Variants in FAM229A observed in about 807,000 individuals in gnomAD.
The protein encoded by FAM229A is family with sequence similarity 229 member A.
FAM229A carries 9 observed loss-of-function variants against 10.0 expected under a neutral mutation model. The ratio of observed to expected loss-of-function variants is 0.90; its 90% confidence interval spans 0.54 to 1.56. FAM229A has a LOEUF of 1.56. Among genes scored for constraint, FAM229A ranks in the 40% most tolerant of loss-of-function variants. FAM229A has a pLI of 0.00. For synonymous variants in FAM229A, 93 were observed against 90.1 expected, an observed-to-expected ratio of 1.03 and a Z score of -0.19; for missense variants, 196 against 197.6, an observed-to-expected ratio of 0.99 and a Z score of 0.05.
chr1:32,362,251 G>A lies in FAM229A; in HGVS notation c.-160C>T, dbSNP rs1570076588. ...CTGGAGACGGGGTCGCGCAGACCCC[G>A]GACACCCGAGGGGGGCGCAGCAGGC... On this transcript the variant is annotated 5_prime_UTR_variant, in exon 1 of 3. Transcript: ENST00000432622. 16 of 1,044,800 alleles carry A rather than the reference G, an allele frequency of 1.5e-5. No homozygotes were observed. The highest frequency in any genetic ancestry group is 1.2e-4 in the African/African-American group (7 of 60,166). The allele number at this position is 1,044,800 out of a possible 1,614,324, so 64.7% of individuals were successfully genotyped here.
chr1:32,361,391 G>T lies in FAM229A; in HGVS notation c.*42C>A. ...AGCGTGGTGGCCCGCTGGGGGCCTCGTTCCCGCCCAGCTCCCGCGGAGCCG... is the reference window on the plus strand; with the variant it reads ...AGCGTGGTGGCCCGCTGGGGGCCTCTTTCCCGCCCAGCTCCCGCGGAGCCG... On this transcript the variant is annotated 3_prime_UTR_variant, in exon 3 of 3. Coordinates refer to ENST00000432622, the MANE Select transcript of FAM229A (RefSeq NM_001167676.2). The T allele has an allele frequency of 1.7e-6, 2 of 1,181,418 alleles. No homozygotes were observed. Among genetic ancestry groups the T allele is most frequent in the East Asian group, 3.2e-5 (1 of 31,306 alleles). 73.2% of individuals were successfully genotyped at this position (1,181,418 alleles called of 1,614,324 possible). A position where few individuals can be genotyped will look rare whatever the true frequency, so the allele number is the denominator to read the frequency against.
At position 32,362,109 on chromosome 1, in the gene FAM229A, C is replaced by A. The variant is rs1306413300; in HGVS notation, c.-18G>T. The stretch of plus-strand genomic sequence containing the variant: ...GGCAGCATTGTGACCCGGGCCGCGG[C>A]GCGCTGACCTCACAGAGCACGTTCC... On this transcript the variant is annotated 5_prime_UTR_variant, in exon 1 of 3. Transcript: ENST00000432622. 1.5e-6 allele frequency: 2 copies of A among 1,361,020 alleles called. No homozygotes were observed. Among genetic ancestry groups the A allele is most frequent in the Non-Finnish European group, 1.9e-6 (2 of 1,058,910 alleles). 84.3% of individuals were successfully genotyped at this position (1,361,020 alleles called of 1,614,324 possible). A position where few individuals can be genotyped will look rare whatever the true frequency, so the allele number is the denominator to read the frequency against.
chr1:32,362,099 CG>C lies in FAM229A; in HGVS notation c.-9del, dbSNP rs1641713456. 3 of 1,374,158 alleles carry C rather than the reference CG, an allele frequency of 2.2e-6. No homozygotes were observed. Among genetic ancestry groups the C allele is most frequent in the Non-Finnish European group, 2.8e-6 (3 of 1,066,188 alleles). The allele number at this position is 1,374,158 out of a possible 1,614,324, so 85.1% of individuals were successfully genotyped here. On this transcript the variant is annotated 5_prime_UTR_variant, in exon 1 of 3. Transcript: ENST00000432622. ...CGTCGAGGAGGGCAGCATTGTGACCCGGGCCGCGGCGCGCTGACCTCACAGA... is the reference window on the plus strand; with the variant it reads ...CGTCGAGGAGGGCAGCATTGTGACCCGGCCGCGGCGCGCTGACCTCACAGA...
At position 32,361,625 on chromosome 1, in the gene FAM229A, G is replaced by T. The variant is rs1214827980; in HGVS notation, c.282-90C>A. On this transcript the variant is annotated intron_variant, in intron 2 of 2. Transcript: ENST00000432622. ...CCCAGGGAGTGCACCTGGGGTCCCC[G>T]GGGGTCCGGACGTGGATGCGGGGTC... 4.8e-6 allele frequency: 6 copies of T among 1,249,804 alleles called. No individual in the cohort carries two copies. The African/African-American group carries it at 6.3e-5, about 13-fold the overall frequency. The allele number at this position is 1,249,804 out of a possible 1,614,324, so 77.4% of individuals were successfully genotyped here.
chr1:32,361,883 G>A lies in FAM229A; in HGVS notation c.135-7C>T. 7.4e-7 allele frequency: 1 copy of A among 1,345,152 alleles called. No homozygotes were observed. Among genetic ancestry groups the A allele is most frequent in the Non-Finnish European group, 9.5e-7 (1 of 1,052,912 alleles). The allele number at this position is 1,345,152 out of a possible 1,614,324, so 83.3% of individuals were successfully genotyped here. On this transcript the variant is annotated splice_region_variant and splice_polypyrimidine_tract_variant and intron_variant, in intron 1 of 2. Transcript: ENST00000432622. ...GTCCAAGCCCCGGGGCGCTCTGCGC[G>A]GGGAGTGGCGGTCAGGCCTCTCCCG...
intron 2 of FAM229A, 97 bp downstream of exon 2, chr1:32,361,633 G>T: frequency 8.0e-7 from 1 of 1,252,072 alleles, no homozygotes; most frequent in Non-Finnish European, 1.0e-6. Flanking sequence ...CCGGGGGTCC[G>T]GACGTGGATG....
rs896505998 is a variant in FAM229A, at chr1:32,362,275, G to C, written c.-184C>G. 1 of 867,204 alleles carries C rather than the reference G, an allele frequency of 1.2e-6. No individual in the cohort carries two copies. Among genetic ancestry groups the C allele is most frequent in the Admixed American group, 4.0e-5 (1 of 25,086 alleles). The allele number at this position is 867,204 out of a possible 1,614,324, so 53.7% of individuals were successfully genotyped here. A position where few individuals can be genotyped will look rare whatever the true frequency, so the allele number is the denominator to read the frequency against. On this transcript the variant is annotated 5_prime_UTR_variant, in exon 1 of 3. Coordinates refer to ENST00000432622, the MANE Select transcript of FAM229A (RefSeq NM_001167676.2). ...CGGACACCCGAGGGGGGCGCAGCAGGCCAGGGCAACCCGCCGCGAGGCGGC... is the reference window on the plus strand; with the variant it reads ...CGGACACCCGAGGGGGGCGCAGCAGCCCAGGGCAACCCGCCGCGAGGCGGC...
At position 32,362,307 on chromosome 1, in the gene FAM229A, G is replaced by A; in HGVS notation, c.-216C>T. 1 of 566,686 alleles carries A rather than the reference G, an allele frequency of 1.8e-6. No homozygotes were observed. Among genetic ancestry groups the A allele is most frequent in the Non-Finnish European group, 2.7e-6 (1 of 368,836 alleles). 35.1% of individuals were successfully genotyped at this position (566,686 alleles called of 1,614,324 possible). ...CAACCCGCCGCGAGGCGGCGTCCAC[G>A]CCGAGGAGCCGCGCATTCCCGGTCC... On this transcript the variant is annotated 5_prime_UTR_variant, in exon 1 of 3. Transcript: ENST00000432622.
chr1:32,361,565 C>T (rs992554075), intron 2 of FAM229A, 30 bp from the exon 3 acceptor site: 29 of 1,315,296 alleles, frequency 2.2e-5, no homozygotes, highest in Non-Finnish European at 2.8e-5. Flanking sequence ...ACAGGGGCCG[C>T]TGAGGCAGGG....
At position 32,361,478 on chromosome 1, in the gene FAM229A, G is replaced by A; in HGVS notation, c.339C>T (p.Asp113=). The A allele has an allele frequency of 2.2e-6, 3 of 1,382,870 alleles. No individual in the cohort carries two copies. Among genetic ancestry groups the A allele is most frequent in the Non-Finnish European group, 1.9e-6 (2 of 1,066,676 alleles). 85.7% of individuals were successfully genotyped at this position (1,382,870 alleles called of 1,614,324 possible). The part of the protein sequence containing the change: ...HCLTLLHVPI[D]VYLAMGGSPR... The stretch of plus-strand genomic sequence containing the variant: ...GGCTCCCGCCCATGGCGAGGTAGAC[G>A]TCGATGGGCACGTGCAGCAGCGTCA... The change falls in exon 3 of 3, where the codon GAC becomes GAT. Residue 113 remains aspartate (D), a synonymous_variant. Transcript: ENST00000432622.
chr1:32,362,018 G>C lies in FAM229A; in HGVS notation c.74C>G (p.Ser25Cys). 1 of 1,485,066 alleles carries C rather than the reference G, an allele frequency of 6.7e-7. No homozygotes were observed. Among genetic ancestry groups the C allele is most frequent in the Non-Finnish European group, 8.9e-7 (1 of 1,125,078 alleles). The allele number at this position is 1,485,066 out of a possible 1,614,324, so 92.0% of individuals were successfully genotyped here. The part of the protein sequence containing the change: ...TCPAPPGPER[S>C]PAARAPAAAS... ...AGCTGCCGGAGCCCTGGCCGCGGGA[G>C]AACGCTCCGGTCCAGGCGGAGCCGG... Residue 25 changes from serine (S) to cysteine (C), a missense_variant, in exon 1 of 3, where the codon TCT (serine) becomes TGT (cysteine). Ser to Cys is a moderately radical substitution (Grantham distance 112). Transcript: ENST00000432622.
Position 32,361,967 on chromosome 1 carries a change from G to T in FAM229A, c.125C>A (p.Thr42Asn), listed in dbSNP as rs757132759. The T allele has an allele frequency of 5.4e-6, 8 of 1,478,560 alleles. No homozygotes were observed. The South Asian group carries it at 7.7e-5, about 14-fold the overall frequency. The allele number at this position is 1,478,560 out of a possible 1,614,324, so 91.6% of individuals were successfully genotyped here. A position where few individuals can be genotyped will look rare whatever the true frequency, so the allele number is the denominator to read the frequency against. Residue 42 changes from threonine (T) to asparagine (N), a missense_variant, in exon 1 of 3, where the codon ACC becomes AAC. Thr to Asn is a moderately conservative substitution (Grantham distance 65). Transcript: ENST00000432622. ...AAASSLGPVS[T>N]AGRAPRGLDM... Reference sequence around the variant, plus strand: ...CTGGGCCGTCGCTCACCTCCCGGCGGTTGAGACCGGTCCCAGGCTAGAAGC... The same window carrying T: ...CTGGGCCGTCGCTCACCTCCCGGCGTTTGAGACCGGTCCCAGGCTAGAAGC...
rs187403580 is a variant in FAM229A at position 32,362,156 on chromosome 1, G to C, written c.-65C>G. ...TTCCTCCCACTGGAGAACCCCCAAC[G>C]GTGCCCCCTGCCGCCCCTGGCACTC... On this transcript the variant is annotated 5_prime_UTR_variant, in exon 1 of 3. Coordinates refer to ENST00000432622, the MANE Select transcript of FAM229A (RefSeq NM_001167676.2). 1.5e-6 allele frequency: 2 copies of C among 1,304,448 alleles called. No homozygotes were observed. Among genetic ancestry groups the C allele is most frequent in the Non-Finnish European group, 1.9e-6 (2 of 1,027,802 alleles). 80.8% of individuals were successfully genotyped at this position (1,304,448 alleles called of 1,614,324 possible).
In FAM229A at chr1:32,362,253, A is replaced by G. The variant is rs940758162; in HGVS notation, c.-162T>C. 6 of 1,038,198 alleles carry G rather than the reference A, an allele frequency of 5.8e-6. No individual in the cohort carries two copies. Among genetic ancestry groups the G allele is most frequent in the Non-Finnish European group, 7.5e-6 (6 of 798,850 alleles). The allele number at this position is 1,038,198 out of a possible 1,614,324, so 64.3% of individuals were successfully genotyped here. ...GGAGACGGGGTCGCGCAGACCCCGG[A>G]CACCCGAGGGGGGCGCAGCAGGCCA... On this transcript the variant is annotated 5_prime_UTR_variant, in exon 1 of 3. Transcript: ENST00000432622.
In FAM229A at chr1:32,361,345, G is replaced by C. The variant is rs1570074780; in HGVS notation, c.*88C>G. Reference sequence around the variant, plus strand: ...ATTTTAAAATGTGCATCATTGTCTCGTGCTCGGCGCATGCGACCTCAGCGT... The same window carrying C: ...ATTTTAAAATGTGCATCATTGTCTCCTGCTCGGCGCATGCGACCTCAGCGT... On this transcript the variant is annotated 3_prime_UTR_variant, in exon 3 of 3. Transcript: ENST00000432622. 1 of 560,920 alleles carries C rather than the reference G, an allele frequency of 1.8e-6. No homozygotes were observed. Among genetic ancestry groups the C allele is most frequent in the African/African-American group, 1.9e-5 (1 of 51,282 alleles). The allele number at this position is 560,920 out of a possible 1,614,324, so 34.7% of individuals were successfully genotyped here.
rs1641717606 is a variant in FAM229A at position 32,362,292 on chromosome 1, CGAGGCGGCG to C, written c.-210_-202del. On this transcript the variant is annotated 5_prime_UTR_variant, in exon 1 of 3. Transcript: ENST00000432622. ...CGCAGCAGGCCAGGGCAACCCGCCGCGAGGCGGCGTCCACGCCGAGGAGCCGCGCATTCC... is the reference window on the plus strand; with the variant it reads ...CGCAGCAGGCCAGGGCAACCCGCCGCTCCACGCCGAGGAGCCGCGCATTCC... The C allele has an allele frequency of 1.5e-6, 1 of 683,984 alleles. No individual in the cohort carries two copies. Among genetic ancestry groups the C allele is most frequent in the Admixed American group, 4.0e-5 (1 of 24,728 alleles). 42.4% of individuals were successfully genotyped at this position (683,984 alleles called of 1,614,324 possible).
chr1:32,362,329 G>C lies in FAM229A; in HGVS notation c.-238C>G. ...CACGCCGAGGAGCCGCGCATTCCCG[G>C]TCCACACAGACGCGGCGGAGCGCCC... On this transcript the variant is annotated 5_prime_UTR_variant, in exon 1 of 3. Transcript: ENST00000432622. 1 of 511,986 alleles carries C rather than the reference G, an allele frequency of 2.0e-6. No homozygotes were observed. The highest frequency in any genetic ancestry group is 3.2e-6 in the Non-Finnish European group (1 of 314,212). The allele number at this position is 511,986 out of a possible 1,614,324, so 31.7% of individuals were successfully genotyped here. A position where few individuals can be genotyped will look rare whatever the true frequency, so the allele number is the denominator to read the frequency against.
chr1:32,361,874 G>A lies in FAM229A; in HGVS notation c.137C>T (p.Ala46Val). Residue 46 changes from alanine (A) to valine (V), a missense_variant and splice_region_variant, in exon 2 of 3, where the codon GCG becomes GTG. By Grantham distance (64) the Ala-to-Val change is moderately conservative. Coordinates refer to ENST00000432622, the MANE Select transcript of FAM229A (RefSeq NM_001167676.2). ...SLGPVSTAGR[A>V]PRGLDMSAQE... ...GGCGCTCATGTCCAAGCCCCGGGGCGCTCTGCGCGGGGAGTGGCGGTCAGG... is the reference window on the plus strand; with the variant it reads ...GGCGCTCATGTCCAAGCCCCGGGGCACTCTGCGCGGGGAGTGGCGGTCAGG... 7.5e-7 allele frequency: 1 copy of A among 1,340,022 alleles called. No homozygotes were observed. Among genetic ancestry groups the A allele is most frequent in the Non-Finnish European group, 9.5e-7 (1 of 1,049,484 alleles). The allele number at this position is 1,340,022 out of a possible 1,614,324, so 83.0% of individuals were successfully genotyped here. A position where few individuals can be genotyped will look rare whatever the true frequency, so the allele number is the denominator to read the frequency against.
chr1:32,361,697 CG>C, intron 2 of FAM229A, 32 bp downstream of exon 2: 1 of 971,268 alleles, frequency 1.0e-6, no homozygotes, highest in East Asian at 6.6e-5. Context: ...GGCCGCGGGA[CG>C]GGCGGAGGCG....
Sources: gnomAD v4.1 joint callset for allele counts on GRCh38, gnomAD v4.1.1 for gene constraint, MANE v1.5 for transcripts, NCBI Gene and HGNC (gene_info 2026-07-23, HGNC 2026-07-21) for gene names.